Variants in SNAP29 observed in about 807,000 individuals in gnomAD.
SNAP29 encodes the protein synaptosome associated protein 29.
SNAP29 carries 13 observed loss-of-function variants against 27.9 expected under a neutral mutation model. That is an observed-to-expected ratio of 0.47 (90% confidence interval 0.30 to 0.74). The LOEUF is 0.74. SNAP29 is among the 30% of genes least tolerant of loss of function. The pLI is 0.06. For missense variants in SNAP29, 368 were observed against 336.5 expected (o/e 1.09, Z -0.73); for synonymous variants, 119 against 127.1 (o/e 0.94, Z 0.43).
At chr22:20,881,524 T>C (rs1324738675) in intron 3 of SNAP29, among the ~76,000 whole-genome samples, 1 of 152,132 alleles carries the variant, frequency 6.6e-6, no homozygotes, top group Non-Finnish European at 1.5e-5. Context: ...ACTAATAACG[T>C]GGTGAAACCC....
chr22:20,883,426 G>A (rs772289916), intron 3 of SNAP29, 45 bp from the exon 4 acceptor site: 33 of 1,233,048 alleles, frequency 2.7e-5, no homozygotes, highest in Non-Finnish European at 3.5e-5. Context: ...AGCATTTGAA[G>A]GAATGTCAAT....
intron 2 of SNAP29, among the ~76,000 whole-genome samples, chr22:20,872,852 CAG>C (rs1928630186): frequency 2.3e-5 from 1 of 43,000 alleles, no homozygotes; most frequent in Non-Finnish European, 4.1e-5. Flanking sequence ...TTTTTTGAGA[CAG>C]AGTCTCACTC....
chr22:20,874,349 CCACACACACACACACACACACACACA>C (rs361854), intron 2 of SNAP29, among the ~76,000 whole-genome samples: 72 of 123,570 alleles, frequency 5.8e-4, no homozygotes, highest in Middle Eastern at 7.8e-3. Flanking sequence ...CGAAAATTAG[CCACACACACACACACACACACACACA>C]CACACACACA....
rs763686006 is a variant in SNAP29 at position 20,887,669 on chromosome 22, C to T, written c.620-10C>T. The T allele has an allele frequency of 8.1e-6, 13 of 1,614,080 alleles. No homozygotes were observed. The Admixed American group carries it at 1.2e-4, about 14-fold the overall frequency. ...TGCTCATGCCTGCGTGTCATTTCCT[C>T]CTCCTGCAGATGAGCTGTCCATGGG... On this transcript the variant is annotated splice_polypyrimidine_tract_variant and intron_variant, in intron 4 of 4. Coordinates refer to ENST00000215730, the MANE Select transcript of SNAP29 (RefSeq NM_004782.4).
intron 3 of SNAP29, 147 bp from the exon 4 acceptor site, chr22:20,883,324 G>A (rs1601654727): frequency 3.1e-6 from 2 of 642,430 alleles, no homozygotes; most frequent in East Asian, 5.9e-5. Flanking sequence ...CCTGCGCTGT[G>A]CTCCTCCCTC....
chr22:20,859,086 C>T lies in SNAP29; in HGVS notation c.-25C>T, dbSNP rs770332441. The stretch of plus-strand genomic sequence containing the variant: ...GCAGTGGGGCTCCTCCTTCTGTTTC[C>T]CAGACCGAGAGCCGCGCCGGCACCA... On this transcript the variant is annotated 5_prime_UTR_variant, in exon 1 of 5. Transcript: ENST00000215730. 19 of 1,567,474 alleles carry T rather than the reference C, an allele frequency of 1.2e-5. No individual in the cohort carries two copies. The highest frequency in any genetic ancestry group is 1.5e-5 in the Non-Finnish European group (17 of 1,144,764).
At chr22:20,863,334 T>C (rs1928377497) in intron 1 of SNAP29, among the ~76,000 whole-genome samples, 1 of 151,906 alleles carries the variant, frequency 6.6e-6, no homozygotes, top group African/African-American at 2.4e-5. Context: ...CCCAGCACTG[T>C]GAAACATGCC....
chr22:20,874,640 C>T (rs1928698039), intron 2 of SNAP29, among the ~76,000 whole-genome samples: 1 of 151,056 alleles, frequency 6.6e-6, no homozygotes, highest in Non-Finnish European at 1.5e-5. Flanking sequence ...ACCTGCCGGC[C>T]TCAGTGAGTG....
Position 20,878,338 on chromosome 22 carries a change from G to A in SNAP29, c.435-2711G>A, listed in dbSNP as rs184924049. ...GGGCAGATCATGAGGTCAGGAGATC[G>A]AGACCATCCTGGCTAACACAGTGAA... On this transcript the variant is annotated intron_variant, in intron 2 of 4. Coordinates refer to ENST00000215730, the MANE Select transcript of SNAP29 (RefSeq NM_004782.4). Among the ~76,000 whole-genome samples, 83 of 152,182 alleles carry A rather than the reference G, an allele frequency of 5.5e-4. 3 individuals carry two copies. In the South Asian group the frequency reaches 7.1e-3, roughly 13 times the overall value.
intron 1 of SNAP29, among the ~76,000 whole-genome samples, chr22:20,865,561 A>C (rs1015466795): frequency 6.6e-6 from 1 of 152,190 alleles, no homozygotes; most frequent in Non-Finnish European, 1.5e-5. Context: ...GCCATCTGCT[A>C]TACAGCTTTC....
Sources: allele counts gnomAD v4.1 joint callset (sites outside exome capture counted in the v4.1 genomes callset), GRCh38; gene constraint gnomAD v4.1.1; transcripts MANE v1.5; gene names NCBI Gene and HGNC (gene_info 2026-07-23, HGNC 2026-07-21).